ACADM: variants seen among roughly 807,000 people sequenced by gnomAD.
The protein encoded by ACADM is medium-chain specific acyl-CoA dehydrogenase, mitochondrial.
In ACADM, 49 loss-of-function variants were observed where a neutral mutation model predicts 58.9. The observed-to-expected ratio is 0.83, with a 90% CI of 0.66 to 1.06. The LOEUF is 1.06. Among genes scored for constraint, ACADM ranks in the 50% least tolerant of loss-of-function variants. ACADM has a pLI of 0.00. For synonymous variants in ACADM, 160 were observed against 157.7 expected (o/e 1.01, Z -0.11); for missense variants, 496 against 507.0 (o/e 0.98, Z 0.21).
chr1:75,728,569 T>A, intron 2 of ACADM, 81 bp downstream of exon 2: 1 of 1,058,490 alleles, frequency 9.4e-7, no homozygotes, highest in Non-Finnish European at 1.5e-6. Context: ...TGTTTGTAAA[T>A]AAACTTAATA....
chr1:75,737,279 A>AATATATATATAT (rs368688785), intron 6 of ACADM, among the ~76,000 whole-genome samples: 5 of 43,122 alleles, frequency 1.2e-4, no homozygotes, highest in African/African-American at 1.9e-4. Context: ...CACACACACA[A>AATATATATATAT]ATATATATAT....
At chr1:75,743,001 G>A (rs1647664170) in intron 7 of ACADM, among the ~76,000 whole-genome samples, 1 of 152,152 alleles carries the variant, frequency 6.6e-6, no homozygotes, top group African/African-American at 2.4e-5. Flanking sequence ...CTGAGCTTGG[G>A]AGGCACAGCA....
intron 7 of ACADM, chr1:75,744,378 T>C: frequency 6.4e-7 from 1 of 1,550,514 alleles, no homozygotes; most frequent in Non-Finnish European, 8.9e-7. Flanking sequence ...CTCCTTCGAC[T>C]TTTCCCCCAT....
rs1034655711 is a variant in ACADM, at chr1:75,762,745, T to C, written c.1248T>C (p.Ile416=). The C allele has an allele frequency of 1.2e-6, 2 of 1,603,570 alleles. No homozygotes were observed. Among genetic ancestry groups the C allele is most frequent in the African/African-American group, 2.7e-5 (2 of 74,672 alleles). Residue 416 remains isoleucine (I), a synonymous_variant, in exon 12 of 12, where the codon ATT becomes ATC. Transcript: ENST00000370841. ...GACTTATTGTAGCCCGTGAACACAT[T>C]GACAAGTACAAAAATTAAAAAAATT... ...IQRLIVAREH[I]DKYKN is the part of the protein sequence containing the mutation.
intron 6 of ACADM, among the ~76,000 whole-genome samples, chr1:75,736,169 G>GACACACACACACAC (rs1281866209): frequency 8.9e-5 from 5 of 55,870 alleles, no homozygotes; most frequent in African/African-American, 4.5e-4. Flanking sequence ...TACACACACA[G>GACACACACACACAC]ACATACACAC....
intron 2 of ACADM, among the ~76,000 whole-genome samples, chr1:75,729,805 T>C (rs1351271839): frequency 6.6e-6 from 1 of 151,966 alleles, no homozygotes; most frequent in Non-Finnish European, 1.5e-5. Context: ...AAATGAAAAT[T>C]TTTTTTCTTT....
chr1:75,741,582 C>G (rs904111525), intron 7 of ACADM, among the ~76,000 whole-genome samples: 1 of 152,038 alleles, frequency 6.6e-6, no homozygotes, highest in South Asian at 2.1e-4. Flanking sequence ...GGCAACATAA[C>G]GAGACCCCAT....
chr1:75,734,896 A>G (rs773918830), intron 6 of ACADM, 25 bp downstream of exon 6: 3 of 1,543,516 alleles, frequency 1.9e-6, no homozygotes, highest in Non-Finnish European at 1.8e-6. Context: ...CTGCCGCTTT[A>G]TTTCACACTT....
At chr1:75,729,436 C>T (rs866023492) in intron 2 of ACADM, among the ~76,000 whole-genome samples, 48 of 144,778 alleles carry the variant, frequency 3.3e-4, no homozygotes, top group African/African-American at 1.2e-3. Flanking sequence ...TGCACCCAGA[C>T]CAAATGAAAA....
intron 7 of ACADM, chr1:75,744,036 C>G (rs1647740021): frequency 1.3e-6 from 2 of 1,583,690 alleles, no homozygotes; most frequent in Non-Finnish European, 1.7e-6. Context: ...AAATTGTCAG[C>G]ATTGGCACAT....
intron 1 of ACADM, among the ~76,000 whole-genome samples, chr1:75,726,294 AG>A (rs1394067164): frequency 2.6e-5 from 4 of 151,518 alleles, no homozygotes; most frequent in African/African-American, 9.7e-5. Flanking sequence ...CTGTAATCCC[AG>A]GAGGCTGAGT....
At position 75,724,829 on chromosome 1, in the gene ACADM, C is replaced by T; in HGVS notation, c.30+12C>T. 2 of 1,478,066 alleles carry T rather than the reference C, an allele frequency of 1.4e-6. No homozygotes were observed. Among genetic ancestry groups the T allele is most frequent in the South Asian group, 1.4e-5 (1 of 72,318 alleles). The allele number at this position is 1,478,066 out of a possible 1,614,324, so 91.6% of individuals were successfully genotyped here. A position where few individuals can be genotyped will look rare whatever the true frequency, so the allele number is the denominator to read the frequency against. ...GGCGATGCTGCAGGGTGAGAGGGAGCCCAGCGGTGCGGTGGGGCTGGAACA... is the reference window on the plus strand; with the variant it reads ...GGCGATGCTGCAGGGTGAGAGGGAGTCCAGCGGTGCGGTGGGGCTGGAACA... On this transcript the variant is annotated intron_variant, in intron 1 of 11. Transcript: ENST00000370841.
chr1:75,730,932 C>T (rs768965601), intron 2 of ACADM, among the ~76,000 whole-genome samples: 60 of 152,194 alleles, frequency 3.9e-4, no homozygotes, highest in Admixed American at 1.3e-3. Flanking sequence ...AAGTATACTT[C>T]TGCTAATTCA....
chr1:75,735,572 G>T (rs142253883), intron 6 of ACADM, among the ~76,000 whole-genome samples: 1 of 152,224 alleles, frequency 6.6e-6, no homozygotes, highest in African/African-American at 2.4e-5. Context: ...ATTAATGTTG[G>T]CTGGTCGTGG....
intron 8 of ACADM, among the ~76,000 whole-genome samples, chr1:75,748,208 A>C (rs1290478084): frequency 6.6e-6 from 1 of 152,206 alleles, no homozygotes; most frequent in Admixed American, 6.5e-5. Flanking sequence ...AAATAAAGCA[A>C]ATGTATCAAA....
At chr1:75,739,359 C>T (rs1341637387) in intron 6 of ACADM, among the ~76,000 whole-genome samples, 4 of 152,062 alleles carry the variant, frequency 2.6e-5, no homozygotes, top group South Asian at 4.2e-4. Context: ...TAATTTACAT[C>T]GTGGTACATA....
intron 5 of ACADM, among the ~76,000 whole-genome samples, chr1:75,734,330 ATT>A (rs35823639): frequency 0.011 from 1,413 of 133,334 alleles, 25 homozygotes; most frequent in East Asian, 0.059. Context: ...TGCCCGGCTA[ATT>A]TTTTTTTTTT....
chr1:75,734,019 T>C (rs933275805), intron 5 of ACADM, among the ~76,000 whole-genome samples: 7 of 152,162 alleles, frequency 4.6e-5, no homozygotes, highest in African/African-American at 1.7e-4. Context: ...TTTTTCTCAC[T>C]CTGTCGCCCA....
At position 75,728,588 on chromosome 1, in the gene ACADM, C is replaced by G. The variant is rs533818662; in HGVS notation, c.118+100C>G. On this transcript the variant is annotated intron_variant, in intron 2 of 11. Transcript: ENST00000370841. The stretch of plus-strand genomic sequence containing the variant: ...TGTAAATAAACTTAATAATGTCTTT[C>G]AATGAGTAGAACCAGTCCACTGTCC... 103 of 871,996 alleles carry G rather than the reference C, an allele frequency of 1.2e-4. 1 individual carries two copies. In the South Asian group the frequency reaches 1.2e-3, roughly 10 times the overall value. 54.0% of individuals were successfully genotyped at this position (871,996 alleles called of 1,614,324 possible).
Sources: gnomAD v4.1 joint callset for allele counts (sites outside exome capture counted in the v4.1 genomes callset) on GRCh38, gnomAD v4.1.1 for gene constraint, MANE v1.5 for transcripts, NCBI Gene and HGNC (gene_info 2026-07-23, HGNC 2026-07-21) for gene names.